Variants in ARHGAP6 observed in about 807,000 individuals in gnomAD.
The protein encoded by ARHGAP6 is Rho GTPase activating protein 6, also known as rho GTPase-activating protein 6.
Under a neutral mutation model 55.7 loss-of-function variants are expected in ARHGAP6, and 16 were observed. That is an observed-to-expected ratio of 0.29 (90% CI 0.19 to 0.44). The LOEUF is 0.44. Among genes scored for constraint, ARHGAP6 ranks in the 20% least tolerant of loss-of-function variants. ARHGAP6 has a pLI of 1.00. For synonymous variants in ARHGAP6, 382 were observed against 360.9 expected (o/e 1.06, Z -0.66); for missense variants, 698 against 808.9 (o/e 0.86, Z 1.66).
chrX:11,265,431 T>TA (rs1183883804), intron 1 of ARHGAP6, among the ~76,000 whole-genome samples: 1 of 112,083 alleles, frequency 8.9e-6, no homozygotes, highest in Non-Finnish European at 1.9e-5. Context: ...TTAGCTCAAT[T>TA]ATGCTGTTCT....
intron 1 of ARHGAP6, among the ~76,000 whole-genome samples, chrX:11,507,101 C>G (rs1051869686): frequency 9.0e-6 from 1 of 111,724 alleles, no homozygotes; most frequent in South Asian, 3.8e-4. Flanking sequence ...TTTAATTGAG[C>G]CTGATCTATT....
chrX:11,414,710 A>C (rs1367089853), intron 1 of ARHGAP6, among the ~76,000 whole-genome samples: 1 of 111,942 alleles, frequency 8.9e-6, no homozygotes, highest in African/African-American at 3.2e-5. Context: ...AAATTGATCA[A>C]ATTAATAATT....
chrX:11,255,491 A>T (rs1261718102), intron 1 of ARHGAP6, among the ~76,000 whole-genome samples: 2 of 111,019 alleles, frequency 1.8e-5, no homozygotes, highest in Non-Finnish European at 3.8e-5. Context: ...AACATATACC[A>T]ATATAATATA....
chrX:11,376,414 A>T (rs1016546335), intron 1 of ARHGAP6, among the ~76,000 whole-genome samples: 2 of 112,894 alleles, frequency 1.8e-5, no homozygotes, highest in African/African-American at 6.4e-5. Flanking sequence ...ACAAAGGCAC[A>T]GGGAGATGCA....
At chrX:11,568,681 C>T (rs2051475823) in intron 1 of ARHGAP6, among the ~76,000 whole-genome samples, 1 of 107,705 alleles carries the variant, frequency 9.3e-6, no homozygotes. Flanking sequence ...CTCTTGAACG[C>T]TAAGGGTAGA....
At chrX:11,567,701 G>A (rs1168739391) in intron 1 of ARHGAP6, among the ~76,000 whole-genome samples, 4 of 108,498 alleles carry the variant, frequency 3.7e-5, no homozygotes, top group Non-Finnish European at 5.7e-5. Context: ...TTGCTCTGTC[G>A]CCCAGGCTGG....
intron 1 of ARHGAP6, among the ~76,000 whole-genome samples, chrX:11,580,217 T>C (rs916842887): frequency 1.6e-4 from 18 of 112,552 alleles, no homozygotes; most frequent in African/African-American, 5.2e-4. Context: ...TTTCATTACA[T>C]TGATTTTTTC....
At chrX:11,432,244 G>A (rs991378238) in intron 1 of ARHGAP6, among the ~76,000 whole-genome samples, 5 of 112,334 alleles carry the variant, frequency 4.5e-5, no homozygotes, top group Non-Finnish European at 7.5e-5. Context: ...TCAACATTCC[G>A]TTTCTGAGGT....
chrX:11,432,541 T>C (rs2049950139), intron 1 of ARHGAP6, among the ~76,000 whole-genome samples: 1 of 112,597 alleles, frequency 8.9e-6, no homozygotes, highest in Admixed American at 9.4e-5. Flanking sequence ...TTCCAAACTG[T>C]ATTAATTAGA....
chrX:11,302,690 C>T (rs1250849800), intron 1 of ARHGAP6, among the ~76,000 whole-genome samples: 1 of 111,270 alleles, frequency 9.0e-6, no homozygotes, highest in Non-Finnish European at 1.9e-5. Context: ...CATGTGGAGA[C>T]ATGTGCCATT....
intron 3 of ARHGAP6, among the ~76,000 whole-genome samples, chrX:11,191,244 A>C (rs768137037): frequency 8.9e-6 from 1 of 112,224 alleles, no homozygotes; most frequent in South Asian, 3.7e-4. Context: ...CAGAGTCAGC[A>C]TGCAGACTTG....
intron 1 of ARHGAP6, among the ~76,000 whole-genome samples, chrX:11,324,790 T>C (rs767842801): frequency 3.6e-4 from 40 of 112,403 alleles, no homozygotes; most frequent in African/African-American, 1.3e-3. Flanking sequence ...ATCTTTTCAT[T>C]TAATTTGTCC....
intron 1 of ARHGAP6, among the ~76,000 whole-genome samples, chrX:11,500,221 G>A (rs1279659171): frequency 9.0e-6 from 1 of 111,468 alleles, no homozygotes; most frequent in African/African-American, 3.3e-5. Flanking sequence ...TACTTCCCAA[G>A]TCACTTGGTC....
intron 1 of ARHGAP6, among the ~76,000 whole-genome samples, chrX:11,401,295 C>T (rs186843359): frequency 1.8e-5 from 2 of 111,906 alleles, no homozygotes; most frequent in Admixed American, 1.9e-4. Context: ...TTATGTCCAA[C>T]CAGCTCATGA....
At chrX:11,587,969 C>T (rs942171886) in intron 1 of ARHGAP6, among the ~76,000 whole-genome samples, 4 of 112,113 alleles carry the variant, frequency 3.6e-5, no homozygotes, top group African/African-American at 9.7e-5. Flanking sequence ...AACCCCTCTG[C>T]GTTCTCCATG....
intron 1 of ARHGAP6, among the ~76,000 whole-genome samples, chrX:11,523,461 G>A (rs1435043946): frequency 8.9e-6 from 1 of 111,782 alleles, no homozygotes; most frequent in East Asian, 2.8e-4. Flanking sequence ...GTTTGCAGAT[G>A]ACATGATTGT....
chrX:11,413,147 T>C (rs2049707529), intron 1 of ARHGAP6, among the ~76,000 whole-genome samples: 2 of 112,376 alleles, frequency 1.8e-5, no homozygotes, highest in Admixed American at 9.4e-5. Flanking sequence ...ACTCGTTGCT[T>C]CAAAACCAAA....
At chrX:11,139,768 T>G (rs1329718160) in intron 12 of ARHGAP6, among the ~76,000 whole-genome samples, 1 of 112,203 alleles carries the variant, frequency 8.9e-6, no homozygotes, top group Non-Finnish European at 1.9e-5. Context: ...TCTGACAGGT[T>G]AGCTGAGACG....
chrX:11,223,093 C>A, intron 2 of ARHGAP6: 1 of 151,704 alleles, frequency 6.6e-6, no homozygotes, highest in Non-Finnish European at 1.3e-5. Context: ...ATATTGATTT[C>A]AATATCTGCA....
Sources: gnomAD v4.1 joint callset for allele counts (sites outside exome capture counted in the v4.1 genomes callset) on GRCh38, gnomAD v4.1.1 for gene constraint, MANE v1.5 for transcripts, NCBI Gene and HGNC (gene_info 2026-07-23, HGNC 2026-07-21) for gene names.